Variants in OSBP2 observed in about 807,000 individuals in gnomAD.
The protein encoded by OSBP2 is oxysterol binding protein 2, also known as oxysterol-binding protein 2.
In OSBP2, 66 loss-of-function variants were observed where a neutral mutation model predicts 96.0. The ratio of observed to expected loss-of-function variants is 0.69; its 90% CI spans 0.56 to 0.84. OSBP2 has a LOEUF of 0.84. Ranked by LOEUF, OSBP2 falls within the 40% of genes least tolerant of loss-of-function variation. The probability of loss-of-function intolerance (pLI) is 0.00; values close to 1 mark genes in which losing one functional copy is unlikely to be tolerated. For missense variants in OSBP2, 1,038 were observed against 1,222.7 expected (o/e 0.85, Z 2.25); for synonymous variants, 525 against 520.9 (o/e 1.01, Z -0.11).
chr22:30,809,535 G>C (rs1602295470), intron 2 of OSBP2, among the ~76,000 whole-genome samples: 2 of 152,220 alleles, frequency 1.3e-5, no homozygotes, highest in African/African-American at 4.8e-5. Flanking sequence ...GGCCCCGTGA[G>C]TGAAGGCATG....
At chr22:30,862,740 A>G (rs1020425878) in intron 2 of OSBP2, among the ~76,000 whole-genome samples, 4 of 151,816 alleles carry the variant, frequency 2.6e-5, no homozygotes, top group African/African-American at 4.8e-5. Context: ...TTGGGAGGCT[A>G]AGGTGGGTGG....
chr22:30,748,000 G>T (rs1286742238), intron 2 of OSBP2, among the ~76,000 whole-genome samples: 1 of 150,432 alleles, frequency 6.6e-6, no homozygotes, highest in Non-Finnish European at 1.5e-5. Flanking sequence ...TCCTGCCTCA[G>T]TCTGTAGCTG....
intron 1 of OSBP2, among the ~76,000 whole-genome samples, chr22:30,701,623 G>A (rs911427381): frequency 3.9e-5 from 6 of 152,074 alleles, no homozygotes; most frequent in Non-Finnish European, 5.9e-5. Flanking sequence ...GATTACAGGC[G>A]TGAGCCACCA....
chr22:30,873,639 C>T (rs951580824), intron 3 of OSBP2, among the ~76,000 whole-genome samples: 5 of 152,188 alleles, frequency 3.3e-5, no homozygotes, highest in African/African-American at 9.6e-5. Flanking sequence ...CGGGGATGCT[C>T]CTAGCATCCC....
chr22:30,822,946 G>A (rs2038314605), intron 2 of OSBP2, among the ~76,000 whole-genome samples: 1 of 152,226 alleles, frequency 6.6e-6, no homozygotes, highest in African/African-American at 2.4e-5. Context: ...AGACTTGTCC[G>A]TCTAATTAAC....
At chr22:30,750,786 C>G (rs1374668287) in intron 2 of OSBP2, among the ~76,000 whole-genome samples, 2 of 152,122 alleles carry the variant, frequency 1.3e-5, no homozygotes, top group Non-Finnish European at 2.9e-5. Context: ...TATCTGTTGC[C>G]CAGGCTAGAG....
rs550696209 is a variant in OSBP2 at position 30,888,170 on chromosome 22, C to T, written c.1301-53C>T. The T allele has an allele frequency of 4.3e-5, 52 of 1,219,634 alleles. No individual in the cohort carries two copies. The East Asian group carries it at 7.7e-4, about 18-fold the overall frequency. 75.6% of individuals were successfully genotyped at this position (1,219,634 alleles called of 1,614,324 possible). ...GCCCTTGGCTCTGGACTTAGGGAGG[C>T]GAGATTGAGCCTTTTGTGAGGTTAC... On this transcript the variant is annotated intron_variant, in intron 4 of 13. Transcript: ENST00000332585.
intron 2 of OSBP2, among the ~76,000 whole-genome samples, chr22:30,832,661 G>A (rs1216786806): frequency 1.3e-5 from 2 of 152,180 alleles, no homozygotes; most frequent in African/African-American, 4.8e-5. Flanking sequence ...AATTGGAAAT[G>A]CCAGGCTCTT....
chr22:30,889,136 C>A, intron 5 of OSBP2, 41 bp from the exon 6 acceptor site: 2 of 1,578,298 alleles, frequency 1.3e-6, no homozygotes, highest in Non-Finnish European at 1.7e-6. Context: ...AAGGAGACCT[C>A]GGGATTCATT....
chr22:30,791,488 G>A (rs1430593308), intron 2 of OSBP2, among the ~76,000 whole-genome samples: 2 of 151,474 alleles, frequency 1.3e-5, no homozygotes, highest in East Asian at 1.9e-4. Flanking sequence ...CCCCAAACCT[G>A]GCTAATTTTT....
intron 2 of OSBP2, among the ~76,000 whole-genome samples, chr22:30,865,616 A>C (rs2039319316): frequency 2.1e-5 from 3 of 142,876 alleles, no homozygotes; most frequent in Non-Finnish European, 4.6e-5. Flanking sequence ...TGGGTGACAA[A>C]GCAAGACTCC....
chr22:30,738,680 C>T (rs967176532), intron 1 of OSBP2, among the ~76,000 whole-genome samples: 1 of 152,060 alleles, frequency 6.6e-6, no homozygotes, highest in Non-Finnish European at 1.5e-5. Context: ...CCTGCCTCAG[C>T]CATCCGAGTA....
At chr22:30,835,628 T>C (rs1021967472) in intron 2 of OSBP2, among the ~76,000 whole-genome samples, 1 of 152,126 alleles carries the variant, frequency 6.6e-6, no homozygotes, top group African/African-American at 2.4e-5. Flanking sequence ...AATTTTCTCC[T>C]GAAAAGTTTT....
chr22:30,814,855 A>C (rs1224283688), intron 2 of OSBP2, among the ~76,000 whole-genome samples: 1 of 152,180 alleles, frequency 6.6e-6, no homozygotes, highest in African/African-American at 2.4e-5. Context: ...TCTGGATGAG[A>C]ATCTGGGAAG....
chr22:30,828,566 G>A (rs1015700541), intron 2 of OSBP2, among the ~76,000 whole-genome samples: 5 of 152,234 alleles, frequency 3.3e-5, no homozygotes, highest in African/African-American at 9.6e-5. Context: ...TGAGCTCTGA[G>A]GAAAGGCATT....
chr22:30,850,700 T>C (rs1036952756), intron 2 of OSBP2, among the ~76,000 whole-genome samples: 1 of 152,162 alleles, frequency 6.6e-6, no homozygotes, highest in Non-Finnish European at 1.5e-5. Flanking sequence ...GGTTTCACCA[T>C]GTTGGCCATG....
intron 2 of OSBP2, among the ~76,000 whole-genome samples, chr22:30,784,777 ATT>A (rs71900262): frequency 2.1e-5 from 3 of 140,590 alleles, no homozygotes; most frequent in Admixed American, 1.4e-4. Flanking sequence ...AATCCTCCTC[ATT>A]TTTTTTTTTT....
At chr22:30,829,455 G>A (rs2038477053) in intron 2 of OSBP2, among the ~76,000 whole-genome samples, 1 of 152,120 alleles carries the variant, frequency 6.6e-6, no homozygotes, top group Non-Finnish European at 1.5e-5. Flanking sequence ...ACCACGCCTG[G>A]CTAATTTTTG....
intron 1 of OSBP2, among the ~76,000 whole-genome samples, chr22:30,702,598 A>G (rs2089181568): frequency 6.6e-6 from 1 of 152,190 alleles, no homozygotes; most frequent in African/African-American, 2.4e-5. Context: ...TGGGTGACAG[A>G]GTGAGACTCG....
Sources: gnomAD v4.1 joint callset for allele counts (sites outside exome capture counted in the v4.1 genomes callset) on GRCh38, gnomAD v4.1.1 for gene constraint, MANE v1.5 for transcripts, NCBI Gene and HGNC (gene_info 2026-07-23, HGNC 2026-07-21) for gene names.